Variants in INPP4B observed in about 807,000 individuals in gnomAD.
INPP4B encodes inositol polyphosphate-4-phosphatase type II B.
Under a neutral mutation model 122.5 loss-of-function variants are expected in INPP4B, and 55 were observed. That is an observed-to-expected ratio of 0.45 (90% CI 0.36 to 0.56). The LOEUF (loss-of-function observed/expected upper bound fraction) is 0.56. Ranked by LOEUF, INPP4B falls within the 20% of genes least tolerant of loss-of-function variation. INPP4B has a pLI of 0.00. For synonymous variants in INPP4B, 403 were observed against 388.7 expected (o/e 1.04, Z -0.43); for missense variants, 1,000 against 1,097.7 (o/e 0.91, Z 1.26).
intron 2 of INPP4B, among the ~76,000 whole-genome samples, chr4:142,573,916 G>A (rs1474727343): frequency 6.6e-6 from 1 of 151,954 alleles, no homozygotes; most frequent in Non-Finnish European, 1.5e-5. Flanking sequence ...GGCTACTTAT[G>A]TACCTATTTA....
chr4:142,255,689 C>T (rs1172637823), intron 11 of INPP4B, among the ~76,000 whole-genome samples: 2 of 152,110 alleles, frequency 1.3e-5, no homozygotes, highest in East Asian at 3.9e-4. Flanking sequence ...TACAGGAGCA[C>T]CCAGATTCAT....
At chr4:142,628,526 A>G (rs1343025784) in intron 2 of INPP4B, among the ~76,000 whole-genome samples, 1 of 139,302 alleles carries the variant, frequency 7.2e-6, no homozygotes, top group Non-Finnish European at 1.5e-5. Flanking sequence ...ACTGACCTGC[A>G]CAATGTGCAC....
chr4:142,678,467 T>C (rs944664955), intron 2 of INPP4B, among the ~76,000 whole-genome samples: 1 of 151,806 alleles, frequency 6.6e-6, no homozygotes, highest in African/African-American at 2.4e-5. Context: ...CTTAAGAAAA[T>C]CACTTCGCAC....
At chr4:142,085,387 T>C (rs1277153756) in intron 24 of INPP4B, among the ~76,000 whole-genome samples, 1 of 152,202 alleles carries the variant, frequency 6.6e-6, no homozygotes, top group East Asian at 1.9e-4. Context: ...AAACATGGCA[T>C]TTATCATAAA....
At chr4:142,723,252 A>G (rs1024227910) in intron 2 of INPP4B, among the ~76,000 whole-genome samples, 1 of 152,144 alleles carries the variant, frequency 6.6e-6, no homozygotes, top group African/African-American at 2.4e-5. Context: ...AAAAAATTCA[A>G]TATATGTGAG....
chr4:142,823,312 C>T (rs1033267737), intron 1 of INPP4B, among the ~76,000 whole-genome samples: 1 of 152,148 alleles, frequency 6.6e-6, no homozygotes, highest in African/African-American at 2.4e-5. Flanking sequence ...TCTTTCACAG[C>T]ATTTATTCCT....
chr4:142,691,129 C>A (rs565103596), intron 2 of INPP4B, among the ~76,000 whole-genome samples: 3 of 152,106 alleles, frequency 2.0e-5, no homozygotes, highest in Non-Finnish European at 4.4e-5. Flanking sequence ...TCTCAGCCCC[C>A]CAATGTGTCT....
chr4:142,319,117 G>A (rs931280604), intron 7 of INPP4B, among the ~76,000 whole-genome samples: 1 of 152,134 alleles, frequency 6.6e-6, no homozygotes, highest in Non-Finnish European at 1.5e-5. Context: ...AGAAGGAAAA[G>A]GCCATGCTGT....
intron 16 of INPP4B, among the ~76,000 whole-genome samples, chr4:142,169,523 T>A (rs1824491676): frequency 6.6e-6 from 1 of 151,704 alleles, no homozygotes; most frequent in Non-Finnish European, 1.5e-5. Flanking sequence ...GCATTGCTAT[T>A]ATAGAAAACA....
intron 25 of INPP4B, chr4:142,029,300 G>A (rs1738323605): frequency 1.0e-6 from 1 of 985,654 alleles, no homozygotes; most frequent in African/African-American, 1.7e-5. Context: ...AAGGATGCAG[G>A]TTCTAGAAAT....
intron 10 of INPP4B, among the ~76,000 whole-genome samples, chr4:142,268,239 T>C (rs1043365356): frequency 8.4e-4 from 120 of 143,562 alleles, no homozygotes; most frequent in African/African-American, 3.0e-3. Flanking sequence ...AGGAGAATGG[T>C]GTGAACCCAG....
intron 16 of INPP4B, among the ~76,000 whole-genome samples, chr4:142,161,283 C>A (rs1172190784): frequency 6.6e-6 from 1 of 151,946 alleles, no homozygotes; most frequent in Non-Finnish European, 1.5e-5. Flanking sequence ...GGCTTCCCAA[C>A]AATAAAGAAC....
intron 4 of INPP4B, among the ~76,000 whole-genome samples, chr4:142,429,960 C>T (rs35648617): frequency 1.2e-3 from 176 of 152,020 alleles, no homozygotes; most frequent in Non-Finnish European, 1.6e-3. Flanking sequence ...GATGTATGAA[C>T]GGGAGGCCAT....
chr4:142,841,069 G>T (rs1450827017), intron 1 of INPP4B, among the ~76,000 whole-genome samples: 1 of 151,998 alleles, frequency 6.6e-6, no homozygotes, highest in Non-Finnish European at 1.5e-5. Flanking sequence ...TTTAACTACT[G>T]CGCATCAATT....
chr4:142,071,745 A>G (rs1021505963), intron 25 of INPP4B, among the ~76,000 whole-genome samples: 6 of 152,240 alleles, frequency 3.9e-5, no homozygotes, highest in Non-Finnish European at 8.8e-5. Context: ...AATGCTTATC[A>G]TCACTGGCCA....
At chr4:142,131,123 C>T (rs955176166) in intron 18 of INPP4B, among the ~76,000 whole-genome samples, 3 of 152,324 alleles carry the variant, frequency 2.0e-5, no homozygotes, top group Non-Finnish European at 2.9e-5. Flanking sequence ...ATTCACTGGG[C>T]TTATTTTGTT....
chr4:142,057,438 T>C (rs1511254), intron 25 of INPP4B, among the ~76,000 whole-genome samples: 149,941 of 152,140 alleles, frequency 0.99, 73,938 homozygotes, highest in Middle Eastern at 1. Context: ...TCTATGTTCA[T>C]TTATGATTAA....
chr4:142,124,448 G>T, intron 19 of INPP4B, 140 bp downstream of exon 19: 1 of 704,692 alleles, frequency 1.4e-6, no homozygotes, highest in Non-Finnish European at 2.4e-6. Flanking sequence ...TATTTATCGT[G>T]AATAAGAAAC....
intron 2 of INPP4B, among the ~76,000 whole-genome samples, chr4:142,659,712 G>A (rs1754811263): frequency 6.6e-6 from 1 of 152,052 alleles, no homozygotes; most frequent in South Asian, 2.1e-4. Context: ...TAAAACCAAG[G>A]GAGCTAACCA....
Sources: allele counts gnomAD v4.1 joint callset (sites outside exome capture counted in the v4.1 genomes callset), GRCh38; gene constraint gnomAD v4.1.1; transcripts MANE v1.5; gene names NCBI Gene and HGNC (gene_info 2026-07-23, HGNC 2026-07-21).